ATP10B: variants seen among roughly 807,000 people sequenced by gnomAD.
ATP10B encodes phospholipid-transporting ATPase VB.
In ATP10B, 122 loss-of-function variants were observed where a neutral mutation model predicts 141.2. The observed-to-expected ratio is 0.86, with a 90% CI of 0.75 to 1.00. The LOEUF (loss-of-function observed/expected upper bound fraction) is 1.00. Ranked by LOEUF, ATP10B falls within the 50% of genes least tolerant of loss-of-function variation. The probability of loss-of-function intolerance (pLI) is 0.00; values close to 1 mark genes in which losing one functional copy is unlikely to be tolerated. For synonymous variants in ATP10B, 685 were observed against 692.0 expected, an observed-to-expected ratio of 0.99 and a Z score of 0.16; for missense variants, 1,876 against 1,825.3, an observed-to-expected ratio of 1.03 and a Z score of -0.51.
the ATP10B span, among the ~76,000 whole-genome samples, chr5:160,882,530 C>A: frequency 5.3e-5 from 8 of 152,118 alleles, no homozygotes; most frequent in Non-Finnish European, 1.0e-4. Flanking sequence ...GATCCTTCTG[C>A]CTCAGCCTCC....
At chr5:160,593,405 A>T (rs528761018) in intron 22 of ATP10B, among the ~76,000 whole-genome samples, 1 of 152,370 alleles carries the variant, frequency 6.6e-6, no homozygotes, top group African/African-American at 2.4e-5. Context: ...ATCCACAGCA[A>T]AAACCCATCT....
At chr5:160,874,886 A>G in the ATP10B span, among the ~76,000 whole-genome samples, 1 of 146,034 alleles carries the variant, frequency 6.8e-6, no homozygotes, top group Non-Finnish European at 1.5e-5. Context: ...GGACTATGTG[A>G]AAAGACCAAA....
At chr5:160,885,807 C>A in the ATP10B span, among the ~76,000 whole-genome samples, 1 of 152,120 alleles carries the variant, frequency 6.6e-6, no homozygotes, top group Non-Finnish European at 1.5e-5. Flanking sequence ...AAGAGAAATG[C>A]CAGAGTGAAT....
intron 20 of ATP10B, chr5:160,602,905 G>T: frequency 1.8e-6 from 1 of 553,334 alleles, no homozygotes. Flanking sequence ...AGAATCCAAG[G>T]AGGGCAGATC....
chr5:160,838,714 G>A (rs542773134), intron 1 of ATP10B, among the ~76,000 whole-genome samples: 9 of 152,206 alleles, frequency 5.9e-5, no homozygotes, highest in African/African-American at 2.2e-4. Context: ...AAATAAGAGG[G>A]TTAGGGACAT....
At chr5:160,920,978 TATTA>T in the ATP10B span, among the ~76,000 whole-genome samples, 5 of 152,258 alleles carry the variant, frequency 3.3e-5, no homozygotes, top group African/African-American at 1.2e-4. Flanking sequence ...AATAAATTAT[TATTA>T]ATCAATTATA....
chr5:160,630,575 T>C (rs1165276605), intron 13 of ATP10B, among the ~76,000 whole-genome samples: 4 of 152,170 alleles, frequency 2.6e-5, no homozygotes, highest in African/African-American at 9.7e-5. Flanking sequence ...TAATGAGAAT[T>C]CACTAAGGTC....
intron 24 of ATP10B, among the ~76,000 whole-genome samples, chr5:160,570,071 T>C (rs1754782974): frequency 6.6e-6 from 1 of 152,172 alleles, no homozygotes; most frequent in South Asian, 2.1e-4. Context: ...TTTTTCCACA[T>C]GGCAGTAGTT....
chr5:160,723,565 G>GC (rs1166127463), intron 2 of ATP10B, among the ~76,000 whole-genome samples: 1 of 152,146 alleles, frequency 6.6e-6, no homozygotes, highest in Non-Finnish European at 1.5e-5. Context: ...TCCCCAAATG[G>GC]CCATGGCAAC....
At chr5:160,898,114 C>A in the ATP10B span, among the ~76,000 whole-genome samples, 17 of 151,954 alleles carry the variant, frequency 1.1e-4, no homozygotes, top group East Asian at 9.7e-4. Flanking sequence ...GCAACGAAAC[C>A]AAAAGCAATG....
intron 5 of ATP10B, chr5:160,686,926 T>C (rs1763792351): frequency 1.0e-6 from 1 of 984,252 alleles, no homozygotes; most frequent in African/African-American, 1.7e-5. Flanking sequence ...TTTAAAATGA[T>C]CTCATACATT....
intron 2 of ATP10B, among the ~76,000 whole-genome samples, chr5:160,733,265 A>G (rs898320660): frequency 2.6e-5 from 4 of 152,134 alleles, no homozygotes; most frequent in African/African-American, 9.7e-5. Context: ...TTTGTTACCA[A>G]TGTATGATGT....
chr5:160,652,454 T>C (rs1019498311), intron 7 of ATP10B, among the ~76,000 whole-genome samples: 4 of 136,412 alleles, frequency 2.9e-5, no homozygotes, highest in Middle Eastern at 3.6e-3. Flanking sequence ...TATTTATTTA[T>C]TTATTTATTT....
At chr5:160,885,735 G>T in the ATP10B span, among the ~76,000 whole-genome samples, 1 of 152,184 alleles carries the variant, frequency 6.6e-6, no homozygotes. Context: ...TATGAAAGTT[G>T]TTTTCATCCT....
Position 160,615,910 on chromosome 5 carries a change from C to A in ATP10B, c.2581G>T (p.Ala861Ser). The A allele has an allele frequency of 6.2e-7, 1 of 1,613,844 alleles. No homozygotes were observed. The highest frequency in any genetic ancestry group is 8.5e-7 in the Non-Finnish European group (1 of 1,179,848). The change falls in exon 17 of 26, where the codon GCA becomes TCA. Residue 861 changes from alanine to serine, a missense_variant. Physicochemically the swap from Ala to Ser is moderately conservative, Grantham distance 99. Coordinates refer to ENST00000327245, the MANE Select transcript of ATP10B (RefSeq NM_025153.3). ...RWASFRREAE[A>S]SLDNRDELLM... ...AGCTCATCTCGGTTGTCGAGGGATGCCTCAGCCTCACGCCGGAAACTGGCC... is the reference window on the plus strand; with the variant it reads ...AGCTCATCTCGGTTGTCGAGGGATGACTCAGCCTCACGCCGGAAACTGGCC...
intron 1 of ATP10B, among the ~76,000 whole-genome samples, chr5:160,801,085 C>G (rs1215737160): frequency 6.6e-6 from 1 of 152,116 alleles, no homozygotes; most frequent in South Asian, 2.1e-4. Context: ...CAACTTTGGC[C>G]TCCTCCTTGA....
chr5:160,805,003 A>G (rs1283405626), intron 1 of ATP10B, among the ~76,000 whole-genome samples: 3 of 152,174 alleles, frequency 2.0e-5, no homozygotes, highest in African/African-American at 7.2e-5. Flanking sequence ...TTGTATTTTC[A>G]ATTTGTATTT....
intron 1 of ATP10B, among the ~76,000 whole-genome samples, chr5:160,845,756 CTG>C (rs1203645364): frequency 6.6e-6 from 1 of 152,138 alleles, no homozygotes; most frequent in African/African-American, 2.4e-5. Flanking sequence ...TCTGGCTAGA[CTG>C]TGAGCTATGA....
At chr5:160,804,692 A>T (rs1177928974) in intron 1 of ATP10B, among the ~76,000 whole-genome samples, 1 of 152,232 alleles carries the variant, frequency 6.6e-6, no homozygotes. Context: ...TGTGAGCTCC[A>T]GATTCAGTCA....
Sources: allele counts gnomAD v4.1 joint callset (sites outside exome capture counted in the v4.1 genomes callset), GRCh38; gene constraint gnomAD v4.1.1; transcripts MANE v1.5; gene names NCBI Gene and HGNC (gene_info 2026-07-23, HGNC 2026-07-21).